Variants in CDH18 observed in about 807,000 individuals in gnomAD.
CDH18 encodes cadherin 18.
A neutral mutation model predicts 67.9 loss-of-function variants in CDH18; 31 were observed. That is an observed-to-expected ratio of 0.46 (90% CI 0.34 to 0.62). CDH18 has a LOEUF of 0.62. Ranked by LOEUF, CDH18 falls within the 20% of genes least tolerant of loss-of-function variation. The probability of loss-of-function intolerance (pLI) is 0.01; values close to 1 mark genes in which losing one functional copy is unlikely to be tolerated. For synonymous variants in CDH18, 362 were observed against 347.2 expected, an observed-to-expected ratio of 1.04 and a Z score of -0.48; for missense variants, 890 against 975.5, an observed-to-expected ratio of 0.91 and a Z score of 1.17.
chr5:20,098,002 T>C (rs1746134532), intron 2 of CDH18, among the ~76,000 whole-genome samples: 1 of 151,988 alleles, frequency 6.6e-6, no homozygotes, highest in African/African-American at 2.4e-5. Flanking sequence ...TCATGTAGGT[T>C]CTGTGCCAAT....
chr5:20,063,440 C>T (rs1742684055), intron 2 of CDH18, among the ~76,000 whole-genome samples: 1 of 151,794 alleles, frequency 6.6e-6, no homozygotes, highest in South Asian at 2.1e-4. Context: ...ATGTGCATCC[C>T]CATTTATTTA....
At chr5:19,803,139 C>T (rs1777645525) in intron 3 of CDH18, among the ~76,000 whole-genome samples, 1 of 152,184 alleles carries the variant, frequency 6.6e-6, no homozygotes, top group South Asian at 2.1e-4. Context: ...TCCACAAACT[C>T]GCACATTTAT....
intron 2 of CDH18, among the ~76,000 whole-genome samples, chr5:20,112,488 A>G (rs1747561384): frequency 6.6e-6 from 1 of 152,176 alleles, no homozygotes; most frequent in African/African-American, 2.4e-5. Context: ...TGGTTAGCAT[A>G]AAGCAGGTGC....
At chr5:19,587,423 G>C (rs1382548255) in intron 7 of CDH18, among the ~76,000 whole-genome samples, 1 of 151,986 alleles carries the variant, frequency 6.6e-6, no homozygotes, top group Non-Finnish European at 1.5e-5. Context: ...TATAGTTTTG[G>C]GTTTTACATT....
chr5:20,351,031 T>A (rs1561994983), intron 1 of CDH18, among the ~76,000 whole-genome samples: 1 of 152,072 alleles, frequency 6.6e-6, no homozygotes, highest in Non-Finnish European at 1.5e-5. Flanking sequence ...TGCTCAAATG[T>A]CATCTTCACA....
At chr5:20,542,064 G>A (rs1311312170) in intron 1 of CDH18, among the ~76,000 whole-genome samples, 2 of 152,094 alleles carry the variant, frequency 1.3e-5, no homozygotes, top group East Asian at 3.9e-4. Context: ...TCCTGCCTCA[G>A]CCTCCTGAGT....
At chr5:20,353,125 G>T (rs1437216770) in intron 1 of CDH18, among the ~76,000 whole-genome samples, 1 of 152,044 alleles carries the variant, frequency 6.6e-6, no homozygotes, top group East Asian at 1.9e-4. Context: ...GGTGGTGTAT[G>T]CCTCCATTGG....
At chr5:20,256,608 G>A (rs1744251634) in intron 1 of CDH18, among the ~76,000 whole-genome samples, 1 of 152,006 alleles carries the variant, frequency 6.6e-6, no homozygotes, top group Admixed American at 6.6e-5. Context: ...GGGTGGACGA[G>A]AGAAAAGTAT....
chr5:20,373,059 T>C (rs1743133260), intron 1 of CDH18, among the ~76,000 whole-genome samples: 1 of 152,190 alleles, frequency 6.6e-6, no homozygotes, highest in Non-Finnish European at 1.5e-5. Flanking sequence ...GATATTATAA[T>C]AAGACATCTA....
chr5:20,431,549 A>G (rs1336394598), intron 1 of CDH18, among the ~76,000 whole-genome samples: 1 of 151,894 alleles, frequency 6.6e-6, no homozygotes. Context: ...ACCTCAGTCA[A>G]TCACAAAGAG....
At chr5:19,837,407 AT>A (rs199614301) in intron 3 of CDH18, among the ~76,000 whole-genome samples, 2 of 151,718 alleles carry the variant, frequency 1.3e-5, no homozygotes, top group Admixed American at 1.3e-4. Flanking sequence ...TAAAGGTATA[AT>A]TTTTTTAAAA....
At chr5:20,384,342 G>A (rs761033457) in intron 1 of CDH18, among the ~76,000 whole-genome samples, 4 of 152,140 alleles carry the variant, frequency 2.6e-5, no homozygotes, top group Non-Finnish European at 4.4e-5. Flanking sequence ...AGATCATGCA[G>A]TGTTTATCCT....
chr5:19,764,325 T>C (rs908848048), intron 3 of CDH18, among the ~76,000 whole-genome samples: 4 of 152,080 alleles, frequency 2.6e-5, no homozygotes, highest in African/African-American at 9.7e-5. Flanking sequence ...AATAATAGTA[T>C]AAATGTGTTA....
chr5:20,466,983 T>C (rs1226686363), intron 1 of CDH18, among the ~76,000 whole-genome samples: 1 of 152,098 alleles, frequency 6.6e-6, no homozygotes, highest in Non-Finnish European at 1.5e-5. Context: ...AGGAGAGGGA[T>C]AATATGAAAT....
intron 2 of CDH18, among the ~76,000 whole-genome samples, chr5:20,033,570 C>A (rs956505339): frequency 6.6e-6 from 1 of 152,010 alleles, no homozygotes; most frequent in Non-Finnish European, 1.5e-5. Flanking sequence ...CTGTAGTGAT[C>A]ATTTTTTCTT....
At chr5:20,362,139 A>C (rs1479325015) in intron 1 of CDH18, among the ~76,000 whole-genome samples, 1 of 152,200 alleles carries the variant, frequency 6.6e-6, no homozygotes, top group Non-Finnish European at 1.5e-5. Flanking sequence ...GGAATCATAA[A>C]CATTTACATT....
intron 2 of CDH18, among the ~76,000 whole-genome samples, chr5:20,123,859 C>A (rs55859726): frequency 0.035 from 4,956 of 141,412 alleles, 288 homozygotes; most frequent in African/African-American, 0.12. Context: ...TGCACTCCAG[C>A]CTGGGAGACA....
intron 1 of CDH18, among the ~76,000 whole-genome samples, chr5:20,474,729 C>A (rs1219890272): frequency 6.6e-6 from 1 of 152,206 alleles, no homozygotes; most frequent in Non-Finnish European, 1.5e-5. Context: ...GATTTTGAGA[C>A]CATTTGCCAT....
intron 8 of CDH18, among the ~76,000 whole-genome samples, chr5:19,560,801 T>TAG (rs1331331374): frequency 6.6e-6 from 1 of 151,374 alleles, no homozygotes; most frequent in Non-Finnish European, 1.5e-5. Context: ...ACAAGGAACT[T>TAG]AAACAAATCA....
Sources: allele counts gnomAD v4.1 joint callset (sites outside exome capture counted in the v4.1 genomes callset), GRCh38; gene constraint gnomAD v4.1.1; transcripts MANE v1.5; gene names NCBI Gene and HGNC (gene_info 2026-07-23, HGNC 2026-07-21).